ERAP1: variants seen among roughly 807,000 people sequenced by gnomAD.
ERAP1 encodes endoplasmic reticulum aminopeptidase 1.
ERAP1 carries 86 observed loss-of-function variants against 103.7 expected under a neutral mutation model. The ratio of observed to expected loss-of-function variants is 0.83; its 90% CI spans 0.70 to 0.99. The LOEUF (loss-of-function observed/expected upper bound fraction) is 0.99, where lower values mean the gene tolerates loss of function less well. ERAP1 is among the 50% of genes least tolerant of loss of function. ERAP1 has a pLI of 0.00. For missense variants in ERAP1, 1,009 were observed against 1,128.4 expected (o/e 0.89, Z 1.52); for synonymous variants, 398 against 402.4 (o/e 0.99, Z 0.13).
the ERAP1 span, chr5:96,917,470 AT>A: frequency 1.9e-6 from 3 of 1,610,646 alleles, no homozygotes; most frequent in Non-Finnish European, 2.5e-6. Context: ...AGGTGAAACT[AT>A]TTTTTGAATC....
downstream of ERAP1, chr5:96,771,757 G>A: frequency 1.8e-6 from 2 of 1,126,106 alleles, no homozygotes; most frequent in East Asian, 2.4e-5. Flanking sequence ...GCCAATTTAT[G>A]TGTTATAGAT....
the ERAP1 span, among the ~76,000 whole-genome samples, chr5:96,835,528 G>A: frequency 0.71 from 107,624 of 151,672 alleles, 39,141 homozygotes; most frequent in Non-Finnish European, 0.79. Flanking sequence ...TTATTTGTAC[G>A]AAATGATGTT....
upstream of ERAP1, among the ~76,000 whole-genome samples, chr5:96,811,171 C>G (rs1404418305): frequency 6.6e-6 from 1 of 152,088 alleles, no homozygotes; most frequent in Non-Finnish European, 1.5e-5. Flanking sequence ...TTTTTTCCCC[C>G]TCTGTGCCAA....
the ERAP1 span, among the ~76,000 whole-genome samples, chr5:96,835,396 C>G: frequency 6.6e-6 from 1 of 152,164 alleles, no homozygotes; most frequent in Non-Finnish European, 1.5e-5. Flanking sequence ...TCTTAAAATA[C>G]ACAAATGAAG....
At chr5:96,796,976 A>T (rs975715568) in intron 4 of ERAP1, among the ~76,000 whole-genome samples, 199 bp downstream of exon 4, 16 of 152,086 alleles carry the variant, frequency 1.1e-4, no homozygotes, top group African/African-American at 3.4e-4. Context: ...TTTTGCAGAG[A>T]CAGGTTCTCA....
At chr5:96,905,232 A>G in the ERAP1 span, among the ~76,000 whole-genome samples, 44 of 152,344 alleles carry the variant, frequency 2.9e-4, no homozygotes, top group African/African-American at 1.0e-3. Flanking sequence ...TGAAGTTGAG[A>G]AAAAGGCAGA....
chr5:96,767,856 G>T (rs759517420), intron 19 of ERAP1: 1 of 1,099,884 alleles, frequency 9.1e-7, no homozygotes. Context: ...ACCCCATATT[G>T]CATTTTGCCT....
At chr5:96,934,142 C>T in the ERAP1 span, 1 of 152,170 alleles carries the variant, frequency 6.6e-6, no homozygotes, top group South Asian at 2.1e-4. Flanking sequence ...GGGATACAGC[C>T]TTAAAAAAGA....
At chr5:96,901,596 G>C in the ERAP1 span, 1 of 1,614,110 alleles carries the variant, frequency 6.2e-7, no homozygotes, top group Non-Finnish European at 8.5e-7. Flanking sequence ...GGTTAAACAA[G>C]ACGGGTGTTC....
the ERAP1 span, among the ~76,000 whole-genome samples, chr5:96,921,255 TC>T: frequency 5.9e-5 from 9 of 152,272 alleles, no homozygotes; most frequent in Non-Finnish European, 1.0e-4. Flanking sequence ...TAGTTTCTGA[TC>T]CAAGAGTATT....
At chr5:96,874,132 G>GAA in the ERAP1 span, among the ~76,000 whole-genome samples, 4 of 87,214 alleles carry the variant, frequency 4.6e-5, no homozygotes, top group Non-Finnish European at 1.0e-4. Context: ...GAAAGAAAGA[G>GAA]AGAGAGAAAG....
the ERAP1 span, among the ~76,000 whole-genome samples, chr5:96,871,240 C>T: frequency 1.3e-5 from 2 of 152,214 alleles, no homozygotes; most frequent in South Asian, 4.1e-4. Flanking sequence ...TCTCTCAAGG[C>T]AGAAAGCTGG....
At chr5:96,863,579 G>A in the ERAP1 span, among the ~76,000 whole-genome samples, 93 of 151,046 alleles carry the variant, frequency 6.2e-4, no homozygotes, top group African/African-American at 2.2e-3. Context: ...CTTGTTCCCC[G>A]AAACAGAAGC....
the ERAP1 span, among the ~76,000 whole-genome samples, chr5:96,894,210 C>T: frequency 1.3e-5 from 2 of 152,326 alleles, no homozygotes; most frequent in South Asian, 4.1e-4. Flanking sequence ...AATGAATAAA[C>T]TAGTCTTGCT....
downstream of ERAP1, chr5:96,770,466 C>T: frequency 1.0e-6 from 1 of 956,112 alleles, no homozygotes; most frequent in Non-Finnish European, 1.7e-6. Flanking sequence ...AATTTAACTG[C>T]AGCCTAGTTA....
the ERAP1 span, among the ~76,000 whole-genome samples, chr5:96,835,469 A>G: frequency 1.3e-5 from 2 of 152,220 alleles, no homozygotes; most frequent in Non-Finnish European, 2.9e-5. Context: ...TTTCTGTCAT[A>G]TATCTTTTTA....
chr5:96,909,839 G>C, the ERAP1 span: 1 of 1,448,660 alleles, frequency 6.9e-7, no homozygotes, highest in South Asian at 1.3e-5. Context: ...CAAGACATTA[G>C]GTCTAAAACC....
chr5:96,818,331 C>T, the ERAP1 span, among the ~76,000 whole-genome samples: 1 of 152,152 alleles, frequency 6.6e-6, no homozygotes, highest in East Asian at 1.9e-4. Flanking sequence ...CACAACACCT[C>T]CACTCTCTGG....
At chr5:96,821,677 C>T in the ERAP1 span, among the ~76,000 whole-genome samples, 2 of 152,142 alleles carry the variant, frequency 1.3e-5, no homozygotes, top group East Asian at 1.9e-4. Context: ...AAAGAGACAT[C>T]GAGATAGCAG....
Sources: allele counts gnomAD v4.1 joint callset (sites outside exome capture counted in the v4.1 genomes callset), GRCh38; gene constraint gnomAD v4.1.1; transcripts MANE v1.5; gene names NCBI Gene and HGNC (gene_info 2026-07-23, HGNC 2026-07-21).